MARCHF1: variants seen among roughly 807,000 people sequenced by gnomAD.
The protein encoded by MARCHF1 is membrane associated ring-CH-type finger 1.
In MARCHF1, 40 loss-of-function variants were observed where a neutral mutation model predicts 54.2. That is an observed-to-expected ratio of 0.74 (90% CI 0.57 to 0.96). The LOEUF (loss-of-function observed/expected upper bound fraction) is 0.96, where lower values mean the gene tolerates loss of function less well. Ranked by LOEUF, MARCHF1 falls within the 40% of genes least tolerant of loss-of-function variation. The pLI is 0.00. For synonymous variants in MARCHF1, 236 were observed against 236.3 expected (o/e 1.00, Z 0.01); for missense variants, 586 against 656.5 (o/e 0.89, Z 1.17).
chr4:164,313,271 C>A (rs1734912902), intron 1 of MARCHF1, among the ~76,000 whole-genome samples: 1 of 148,750 alleles, frequency 6.7e-6, no homozygotes, highest in Non-Finnish European at 1.5e-5. Context: ...ATGGCGTGAA[C>A]CTGGGAGGCA....
intron 1 of MARCHF1, among the ~76,000 whole-genome samples, chr4:164,176,980 C>CTCTCTCTCTCTATATATA (rs1466683245): frequency 1.7e-5 from 1 of 58,918 alleles, no homozygotes; most frequent in African/African-American, 7.2e-5. Context: ...CTCTCTCTCT[C>CTCTCTCTCTCTATATATA]TATATATATA....
intron 3 of MARCHF1, among the ~76,000 whole-genome samples, chr4:163,900,310 G>A (rs374763851): frequency 2.7e-4 from 40 of 150,738 alleles, no homozygotes; most frequent in East Asian, 7.8e-4. Flanking sequence ...AGCAGACATC[G>A]TTATGTTCCT....
chr4:163,643,820 AG>A (rs1742652292), intron 5 of MARCHF1, among the ~76,000 whole-genome samples: 1 of 152,146 alleles, frequency 6.6e-6, no homozygotes, highest in Non-Finnish European at 1.5e-5. Context: ...GCAAGCTTTT[AG>A]GTTTTTTTGT....
At chr4:163,847,658 G>A (rs1206634060) in intron 4 of MARCHF1, among the ~76,000 whole-genome samples, 2 of 133,250 alleles carry the variant, frequency 1.5e-5, no homozygotes, top group Non-Finnish European at 3.1e-5. Context: ...TTGGCTTACT[G>A]CAACCTCCGC....
At chr4:163,853,816 G>A (rs1168492352) in intron 4 of MARCHF1, among the ~76,000 whole-genome samples, 2 of 151,942 alleles carry the variant, frequency 1.3e-5, no homozygotes, top group African/African-American at 4.8e-5. Context: ...TTGTTTAATT[G>A]GAATTAAACT....
intron 2 of MARCHF1, among the ~76,000 whole-genome samples, chr4:164,100,417 A>G (rs1314255844): frequency 1.3e-5 from 2 of 152,240 alleles, no homozygotes; most frequent in South Asian, 2.1e-4. Flanking sequence ...ATTCATTTAA[A>G]CATTTAGAGT....
At chr4:164,084,348 G>T (rs1755154852) in intron 2 of MARCHF1, among the ~76,000 whole-genome samples, 3 of 151,482 alleles carry the variant, frequency 2.0e-5, no homozygotes, top group Non-Finnish European at 4.4e-5. Flanking sequence ...TGAATATAAA[G>T]GTACATAATA....
At chr4:163,706,356 C>G in intron 4 of MARCHF1, among the ~76,000 whole-genome samples, 1 of 151,970 alleles carries the variant, frequency 6.6e-6, no homozygotes, top group Non-Finnish European at 1.5e-5. Flanking sequence ...AGTACATACT[C>G]TAAACTCTCA....
chr4:164,336,820 A>C (rs905501395), intron 1 of MARCHF1, among the ~76,000 whole-genome samples: 2 of 152,142 alleles, frequency 1.3e-5, no homozygotes, highest in African/African-American at 4.8e-5. Flanking sequence ...ATGTACAAAA[A>C]CCTTTCTCTC....
chr4:163,798,402 A>G (rs937160096), intron 4 of MARCHF1, among the ~76,000 whole-genome samples: 2 of 152,164 alleles, frequency 1.3e-5, no homozygotes, highest in African/African-American at 4.8e-5. Flanking sequence ...AACTTATGGT[A>G]TTTTGTTATG....
intron 4 of MARCHF1, among the ~76,000 whole-genome samples, chr4:163,842,739 G>T (rs1749376228): frequency 6.6e-6 from 1 of 152,130 alleles, no homozygotes; most frequent in African/African-American, 2.4e-5. Flanking sequence ...CCTGTGTTTT[G>T]TAAAGTGAGT....
chr4:164,120,535 T>A (rs553126688), intron 1 of MARCHF1, among the ~76,000 whole-genome samples: 2 of 152,254 alleles, frequency 1.3e-5, no homozygotes, highest in South Asian at 4.1e-4. Context: ...GAATACACAT[T>A]CTTTTCCTCA....
chr4:164,366,334 C>T (rs942594221), intron 1 of MARCHF1, among the ~76,000 whole-genome samples: 4 of 152,006 alleles, frequency 2.6e-5, no homozygotes, highest in Non-Finnish European at 5.9e-5. Flanking sequence ...AAAGTTTACA[C>T]TCCAGGAGAA....
intron 3 of MARCHF1, among the ~76,000 whole-genome samples, chr4:163,900,906 A>G (rs188963991): frequency 2.0e-5 from 3 of 152,332 alleles, no homozygotes; most frequent in East Asian, 1.9e-4. Flanking sequence ...TTAACATTTT[A>G]TATGAAGAAT....
chr4:164,251,094 C>T (rs942359861), intron 1 of MARCHF1, among the ~76,000 whole-genome samples: 2 of 152,132 alleles, frequency 1.3e-5, no homozygotes, highest in African/African-American at 2.4e-5. Flanking sequence ...ATGATCATCA[C>T]CAATGTGCTA....
chr4:164,173,126 G>A (rs1369492552), intron 1 of MARCHF1, among the ~76,000 whole-genome samples: 1 of 152,088 alleles, frequency 6.6e-6, no homozygotes, highest in East Asian at 1.9e-4. Context: ...TTTAAGTTTT[G>A]CATTTAAATC....
At position 163,573,402 on chromosome 4, in the gene MARCHF1, G is replaced by A. The variant is rs189213132; in HGVS notation, c.1191+12347C>T. ...GTGTATACATGTGACATGCTGGTGC[G>A]CTGCACCCACTAACTCGTCATCTAG... On this transcript the variant is annotated intron_variant, in intron 8 of 9. Transcript: ENST00000514618. Among the ~76,000 whole-genome samples the A allele has an allele frequency of 3.5e-3, 521 of 150,780 alleles. 3 individuals carry two copies. The highest frequency in any genetic ancestry group is 0.012 in the African/African-American group (482 of 41,142).
At chr4:163,579,828 T>C (rs576983518) in intron 8 of MARCHF1, among the ~76,000 whole-genome samples, 4 of 152,280 alleles carry the variant, frequency 2.6e-5, no homozygotes, top group East Asian at 3.9e-4. Context: ...CCTCACAGAA[T>C]TGGGTTCCTA....
intron 1 of MARCHF1, among the ~76,000 whole-genome samples, chr4:164,239,897 ATGAT>A (rs1476379529): frequency 3.9e-5 from 6 of 152,316 alleles, no homozygotes; most frequent in Middle Eastern, 3.4e-3. Flanking sequence ...TCTTAATACT[ATGAT>A]TATTTTATAG....
Sources: allele counts gnomAD v4.1 joint callset (sites outside exome capture counted in the v4.1 genomes callset), GRCh38; gene constraint gnomAD v4.1.1; transcripts MANE v1.5; gene names NCBI Gene and HGNC (gene_info 2026-07-23, HGNC 2026-07-21).